The following MAPDA variants were observed in gnomAD, a reference collection of about 807,000 sequenced individuals.
The protein encoded by MAPDA is N6-Methyl-AMP deaminase.
the MAPDA span, chr15:43,350,804 G>A: frequency 5.7e-6 from 4 of 707,108 alleles, no homozygotes; most frequent in African/African-American, 1.8e-5. Context: ...CACACGTAAG[G>A]AAAGGTCGAC....
At chr15:43,349,883 G>A in the MAPDA span, among the ~76,000 whole-genome samples, 2 of 152,200 alleles carry the variant, frequency 1.3e-5, no homozygotes, top group Non-Finnish European at 2.9e-5. Flanking sequence ...ACTTGGTGTG[G>A]TGGCCTAGCT....
the MAPDA span, among the ~76,000 whole-genome samples, chr15:43,339,966 T>A: frequency 6.6e-6 from 1 of 152,216 alleles, no homozygotes; most frequent in African/African-American, 2.4e-5. Context: ...ATCAATCTGC[T>A]ATTATAAATA....
the MAPDA span, chr15:43,351,238 A>G: frequency 1.3e-5 from 7 of 539,110 alleles, no homozygotes; most frequent in Non-Finnish European, 2.0e-5. Context: ...AGGCAGGAGA[A>G]TCACTTGAAC....
chr15:43,344,177 T>A, the MAPDA span, among the ~76,000 whole-genome samples: 4 of 152,176 alleles, frequency 2.6e-5, no homozygotes, highest in African/African-American at 7.2e-5. Context: ...GACACAGTAA[T>A]TCTGTGCTAG....
chr15:43,332,702 G>A, the MAPDA span, among the ~76,000 whole-genome samples: 4 of 152,282 alleles, frequency 2.6e-5, no homozygotes, highest in South Asian at 6.2e-4. Context: ...ACAGTGCCTG[G>A]CTCATGGTAA....
At chr15:43,351,690 A>G in the MAPDA span, 7 of 1,448,482 alleles carry the variant, frequency 4.8e-6, no homozygotes, top group African/African-American at 2.9e-5. Flanking sequence ...AAACAAAAAG[A>G]TGGTTGTTTT....
chr15:43,333,462 T>G, the MAPDA span: 3 of 152,070 alleles, frequency 2.0e-5, no homozygotes, highest in African/African-American at 7.2e-5. Flanking sequence ...AATTAAATCA[T>G]TTATGTTTTT....
the MAPDA span, chr15:43,346,992 CT>C: frequency 6.3e-7 from 1 of 1,597,938 alleles, no homozygotes. Context: ...CTCATGCATC[CT>C]TATTTTAACT....
At chr15:43,330,590 T>G in the MAPDA span, 101 of 1,357,196 alleles carry the variant, frequency 7.4e-5, no homozygotes, top group Non-Finnish European at 3.3e-5. Flanking sequence ...AAACCACCCA[T>G]GCTCCTGGAC....
the MAPDA span, among the ~76,000 whole-genome samples, chr15:43,334,109 A>T: frequency 2.0e-5 from 3 of 151,468 alleles, no homozygotes; most frequent in Non-Finnish European, 4.4e-5. Context: ...TGACTGGCTC[A>T]TGTGGGAACA....
the MAPDA span, chr15:43,340,156 T>G: frequency 2.1e-6 from 2 of 955,272 alleles, no homozygotes; most frequent in Admixed American, 5.2e-5. Context: ...CTTCCAACAT[T>G]ACTTGCAAAT....
At chr15:43,342,031 A>G in the MAPDA span, among the ~76,000 whole-genome samples, 1 of 151,824 alleles carries the variant, frequency 6.6e-6, no homozygotes, top group Non-Finnish European at 1.5e-5. Context: ...TAGAGACAGG[A>G]TTTCACCATG....
the MAPDA span, among the ~76,000 whole-genome samples, chr15:43,337,063 T>C: frequency 6.0e-5 from 9 of 151,004 alleles, no homozygotes; most frequent in Non-Finnish European, 1.3e-4. Flanking sequence ...GGTCAGGAGT[T>C]GGAGACCATC....
chr15:43,352,149 C>T, the MAPDA span: 1 of 427,542 alleles, frequency 2.3e-6, no homozygotes, highest in East Asian at 3.5e-5. Flanking sequence ...CTGGGTGGGA[C>T]TTGACTGTTG....
At chr15:43,331,745 G>A in the MAPDA span, among the ~76,000 whole-genome samples, 1 of 152,220 alleles carries the variant, frequency 6.6e-6, no homozygotes, top group Non-Finnish European at 1.5e-5. Context: ...AGCAATAAGG[G>A]CAGAATCCAT....
chr15:43,345,227 G>C, the MAPDA span, among the ~76,000 whole-genome samples: 3 of 151,936 alleles, frequency 2.0e-5, no homozygotes, highest in Admixed American at 2.0e-4. Context: ...GGTGGCACGT[G>C]CCTATAACCC....
the MAPDA span, chr15:43,351,179 G>A: frequency 1.3e-6 from 1 of 774,720 alleles, no homozygotes; most frequent in African/African-American, 1.7e-5. Flanking sequence ...ACCGGGGTGT[G>A]GCTGAGTATG....
chr15:43,330,552 C>T, the MAPDA span: 1 of 1,491,416 alleles, frequency 6.7e-7, no homozygotes, highest in East Asian at 2.4e-5. Flanking sequence ...GGTTAGCACA[C>T]ACCTCACGGA....
the MAPDA span, among the ~76,000 whole-genome samples, chr15:43,348,277 G>A: frequency 6.6e-6 from 1 of 152,144 alleles, no homozygotes; most frequent in Non-Finnish European, 1.5e-5. Context: ...GGGCCCTGGA[G>A]TCAGATTGAG....
Sources: allele counts gnomAD v4.1 joint callset (sites outside exome capture counted in the v4.1 genomes callset), GRCh38; gene constraint gnomAD v4.1.1; transcripts MANE v1.5; gene names NCBI Gene and HGNC (gene_info 2026-07-23, HGNC 2026-07-21).